KCNT2: variants seen among roughly 807,000 people sequenced by gnomAD.
KCNT2 encodes potassium sodium-activated channel subfamily T member 2, also known as potassium channel subfamily T member 2.
KCNT2 carries 67 observed loss-of-function variants against 153.8 expected under a neutral mutation model. The observed-to-expected ratio is 0.44, with a 90% CI of 0.36 to 0.53. KCNT2 has a LOEUF of 0.53. Ranked by LOEUF, KCNT2 falls within the 20% of genes least tolerant of loss-of-function variation. The pLI, the probability that KCNT2 is intolerant of heterozygous loss-of-function variation, is 0.00. For missense variants in KCNT2, 975 were observed against 1,354.8 expected (o/e 0.72, Z 4.40); for synonymous variants, 500 against 458.8 (o/e 1.09, Z -1.15).
At chr1:196,566,079 T>G (rs1369828714) in intron 1 of KCNT2, among the ~76,000 whole-genome samples, 2 of 152,024 alleles carry the variant, frequency 1.3e-5, no homozygotes, top group South Asian at 2.1e-4. Context: ...TATACAATTT[T>G]TATTTGTCAA....
chr1:196,488,335 C>G (rs1024972669), intron 3 of KCNT2, among the ~76,000 whole-genome samples: 14 of 151,992 alleles, frequency 9.2e-5, no homozygotes, highest in African/African-American at 3.4e-4. Context: ...ACCATGGGAG[C>G]TAAACAGAAC....
intron 23 of KCNT2, among the ~76,000 whole-genome samples, chr1:196,285,323 A>T (rs772248502): frequency 1.1e-4 from 16 of 152,158 alleles, no homozygotes; most frequent in Admixed American, 2.0e-4. Flanking sequence ...TTAAGTTGGT[A>T]ATTTTTTTTT....
At chr1:196,487,806 C>A (rs936959694) in intron 3 of KCNT2, among the ~76,000 whole-genome samples, 7 of 151,912 alleles carry the variant, frequency 4.6e-5, no homozygotes, top group Non-Finnish European at 1.0e-4. Flanking sequence ...AATCCAAATA[C>A]CATAAAATAG....
chr1:196,379,818 C>T (rs943116918), intron 13 of KCNT2, among the ~76,000 whole-genome samples: 1 of 152,006 alleles, frequency 6.6e-6, no homozygotes, highest in Non-Finnish European at 1.5e-5. Context: ...ATCTGTAGGC[C>T]TAACAGGCCT....
chr1:196,525,283 A>G (rs996367651), intron 1 of KCNT2, among the ~76,000 whole-genome samples: 5 of 152,106 alleles, frequency 3.3e-5, no homozygotes, highest in Non-Finnish European at 5.9e-5. Flanking sequence ...GACCCAGGCC[A>G]TGCTCTGCCT....
At chr1:196,241,637 T>C (rs1210502676) in intron 26 of KCNT2, among the ~76,000 whole-genome samples, 1 of 152,072 alleles carries the variant, frequency 6.6e-6, no homozygotes, top group Admixed American at 6.6e-5. Flanking sequence ...TCTTAATTTA[T>C]CTCCATATGA....
At chr1:196,319,630 T>C in intron 19 of KCNT2, 75 bp from the exon 20 acceptor site, 1 of 897,374 alleles carries the variant, frequency 1.1e-6, no homozygotes, top group Non-Finnish European at 1.7e-6. Context: ...AGGAAGTAAG[T>C]TGACTTAGTT....
chr1:196,341,991 A>G, intron 15 of KCNT2, 88 bp downstream of exon 15: 1 of 1,355,236 alleles, frequency 7.4e-7, no homozygotes, highest in East Asian at 2.4e-5. Context: ...ACACATGAAC[A>G]CAATATGCAT....
intron 1 of KCNT2, 39 bp downstream of exon 1, chr1:196,608,176 A>G: frequency 6.4e-7 from 1 of 1,574,580 alleles, no homozygotes; most frequent in Non-Finnish European, 8.7e-7. Flanking sequence ...TCTCTTTTTC[A>G]GCAATATTTA....
intron 10 of KCNT2, among the ~76,000 whole-genome samples, chr1:196,427,266 A>G (rs972908529): frequency 6.6e-6 from 1 of 152,084 alleles, no homozygotes; most frequent in African/African-American, 2.4e-5. Flanking sequence ...TCATTTAAGA[A>G]TCAATTATAA....
chr1:196,502,588 A>T (rs1477837699), intron 1 of KCNT2, among the ~76,000 whole-genome samples: 2 of 152,194 alleles, frequency 1.3e-5, no homozygotes, highest in Non-Finnish European at 2.9e-5. Flanking sequence ...ATAGCCCCTC[A>T]ATAACTGCAT....
At chr1:196,406,481 C>A (rs1008565116) in intron 12 of KCNT2, among the ~76,000 whole-genome samples, 3 of 150,880 alleles carry the variant, frequency 2.0e-5, no homozygotes, top group African/African-American at 7.3e-5. Context: ...AGCTGGCTAT[C>A]AGAAAGTAGA....
chr1:196,513,132 A>T (rs562917277), intron 1 of KCNT2, among the ~76,000 whole-genome samples: 4 of 152,264 alleles, frequency 2.6e-5, no homozygotes, highest in African/African-American at 9.6e-5. Flanking sequence ...GTTTTAAGTC[A>T]CAGTAAAGTT....
chr1:196,309,284 C>G (rs573042120), intron 21 of KCNT2, among the ~76,000 whole-genome samples: 5 of 151,944 alleles, frequency 3.3e-5, no homozygotes, highest in African/African-American at 9.6e-5. Flanking sequence ...TGATATAAAC[C>G]AGTATTCTCA....
At chr1:196,290,303 C>T (rs527418407) in intron 22 of KCNT2, among the ~76,000 whole-genome samples, 1 of 152,150 alleles carries the variant, frequency 6.6e-6, no homozygotes, top group East Asian at 1.9e-4. Context: ...TGTCTTTTCA[C>T]ATCACTCTAT....
At chr1:196,250,585 C>G (rs1218449496) in intron 26 of KCNT2, among the ~76,000 whole-genome samples, 1 of 151,876 alleles carries the variant, frequency 6.6e-6, no homozygotes, top group Non-Finnish European at 1.5e-5. Context: ...TTTTAATACC[C>G]CAGAAGCACA....
intron 25 of KCNT2, among the ~76,000 whole-genome samples, chr1:196,262,920 A>G (rs2147796362): frequency 6.6e-6 from 1 of 152,258 alleles, no homozygotes; most frequent in East Asian, 1.9e-4. Flanking sequence ...ATGTAATTTT[A>G]GACAGGAAAA....
intron 8 of KCNT2, among the ~76,000 whole-genome samples, chr1:196,451,211 CTCTT>C (rs1173592928): frequency 7.8e-5 from 9 of 115,634 alleles, no homozygotes; most frequent in Non-Finnish European, 1.2e-4. Flanking sequence ...CTCTTAATCC[CTCTT>C]TCTTTTTTTT....
chr1:196,268,276 C>A (rs1349464310), intron 25 of KCNT2, among the ~76,000 whole-genome samples: 1 of 152,156 alleles, frequency 6.6e-6, no homozygotes, highest in African/African-American at 2.4e-5. Flanking sequence ...AAATAATAAT[C>A]AAGGTCACAC....
Sources: gnomAD v4.1 joint callset for allele counts (sites outside exome capture counted in the v4.1 genomes callset) on GRCh38, gnomAD v4.1.1 for gene constraint, MANE v1.5 for transcripts, NCBI Gene and HGNC (gene_info 2026-07-23, HGNC 2026-07-21) for gene names.